ATG16L2: variants seen among roughly 807,000 people sequenced by gnomAD.
The protein encoded by ATG16L2 is protein Atg16l2.
A neutral mutation model predicts 84.7 loss-of-function variants in ATG16L2; 77 were observed. The observed-to-expected ratio is 0.91, with a 90% CI of 0.76 to 1.10. ATG16L2 has a LOEUF of 1.10. ATG16L2 is among the 50% of genes least tolerant of loss of function. ATG16L2 has a pLI of 0.00. For missense variants in ATG16L2, 782 were observed against 817.6 expected, an observed-to-expected ratio of 0.96 and a Z score of 0.53; for synonymous variants, 361 against 342.8, an observed-to-expected ratio of 1.05 and a Z score of -0.59.
intron 1 of ATG16L2, chr11:72,815,972 GATTA>G (rs769363155): frequency 3.2e-4 from 49 of 152,106 alleles, no homozygotes; most frequent in Admixed American, 5.9e-4. Flanking sequence ...GGGAAGTTGG[GATTA>G]TTTATTTATT....
intron 5 of ATG16L2, chr11:72,841,528 T>C (rs1270390793): frequency 6.2e-7 from 1 of 1,611,426 alleles, no homozygotes; most frequent in East Asian, 2.2e-5. Flanking sequence ...GCTGGGAGGC[T>C]GGTCGTACAA....
chr11:72,822,281 C>A lies in ATG16L2; in HGVS notation c.630C>A (p.Asn210Lys), dbSNP rs752980963. 82 of 1,508,958 alleles carry A rather than the reference C, an allele frequency of 5.4e-5. No homozygotes were observed. The highest frequency in any genetic ancestry group is 7.1e-5 in the Non-Finnish European group (81 of 1,138,038). 93.5% of individuals were successfully genotyped at this position (1,508,958 alleles called of 1,614,324 possible). A position where few individuals can be genotyped will look rare whatever the true frequency, so the allele number is the denominator to read the frequency against. The change falls in exon 5 of 18, where the codon AAC becomes AAA. Residue 210 changes from asparagine to lysine, a missense_variant. Physicochemically the swap from Asn to Lys is moderately conservative, Grantham distance 94 (BLOSUM62 0). Coordinates refer to ENST00000321297, the MANE Select transcript of ATG16L2 (RefSeq NM_033388.2). The surrounding 1 kb of genome is among the most constrained non-coding windows in gnomAD (Gnocchi z 4.2). ...CCGCGGCCGAGCGCAACCTGCGCAA[C>A]GAGCGCCGGGAGCGGTGAGGGAGCA... The part of the protein sequence containing the change: ...ARAAAERNLR[N>K]ERRERAKQAR...
Position 72,822,143 on chromosome 11 carries a change from G to C in ATG16L2, c.492G>C (p.Arg164=), listed in dbSNP as rs771444204. The C allele has an allele frequency of 6.7e-7, 1 of 1,501,032 alleles. No homozygotes were observed. Among genetic ancestry groups the C allele is most frequent in the Non-Finnish European group, 8.8e-7 (1 of 1,134,624 alleles). 93.0% of individuals were successfully genotyped at this position (1,501,032 alleles called of 1,614,324 possible). The change falls in exon 5 of 18, where the codon CGG becomes CGC. Residue 164 remains arginine (R), a synonymous_variant. Transcript: ENST00000321297. The surrounding 1 kb of genome is among the most constrained non-coding windows in gnomAD (Gnocchi z 4.2). ...EEWRAQNAVQ[R]AAYEALRAHV... ...GGCGGGCGCAGAATGCGGTGCAGCG[G>C]GCAGCCTACGAGGCGCTGCGCGCGC...
At chr11:72,821,637 A>C in intron 3 of ATG16L2, 31 bp from the exon 4 acceptor site, 1 of 1,522,542 alleles carries the variant, frequency 6.6e-7, no homozygotes. Context: ...GAGGGGCCTC[A>C]GCGCCGCCGT....
In ATG16L2 at chr11:72,829,300, C is replaced by T. The variant is rs760710191; in HGVS notation, c.1773-3C>T. 1 of 1,612,950 alleles carries T rather than the reference C, an allele frequency of 6.2e-7. No homozygotes were observed. Among genetic ancestry groups the T allele is most frequent in the Non-Finnish European group, 8.5e-7 (1 of 1,179,490 alleles). ...CCTGAAGCCTGCCCCTCCCTTTCCCCAGCGCTGCCGTCAACGCCGTGGCCT... is the reference window on the plus strand; with the variant it reads ...CCTGAAGCCTGCCCCTCCCTTTCCCTAGCGCTGCCGTCAACGCCGTGGCCT... On this transcript the variant is annotated splice_polypyrimidine_tract_variant and splice_region_variant and intron_variant, in intron 17 of 17. Coordinates refer to ENST00000321297, the MANE Select transcript of ATG16L2 (RefSeq NM_033388.2).
At chr11:72,825,980 G>A (rs1321653927) in intron 10 of ATG16L2, among the ~76,000 whole-genome samples, 193 bp from the exon 11 acceptor site, 1 of 152,244 alleles carries the variant, frequency 6.6e-6, no homozygotes, top group East Asian at 1.9e-4. Context: ...CTGTCCCTGG[G>A]ACCCAGTGCC....
intron 3 of ATG16L2, chr11:72,819,072 A>G (rs1258361540): frequency 6.6e-6 from 1 of 152,142 alleles, no homozygotes; most frequent in South Asian, 2.1e-4. Flanking sequence ...AGGCAAACCT[A>G]TATCCTTAGG....
At chr11:72,824,987 C>T in intron 9 of ATG16L2, 145 bp downstream of exon 9, 1 of 668,456 alleles carries the variant, frequency 1.5e-6, no homozygotes, top group Non-Finnish European at 2.5e-6. Flanking sequence ...CTCCCACAGC[C>T]TGTGGTGGGA....
At chr11:72,814,842 T>TTTG in intron 1 of ATG16L2, among the ~76,000 whole-genome samples, 1 of 152,150 alleles carries the variant, frequency 6.6e-6, no homozygotes, top group African/African-American at 2.4e-5. Context: ...AAGTGCGTCC[T>TTTG]CGGGTGTTGG....
In ATG16L2 at chr11:72,826,096, TC is replaced by T. The variant is rs1032568860; in HGVS notation, c.1103-75del. ...CGGGGGGTGGGGCGGGAACTGATCTTCCGCTCTCAATCCCAATTCCTCCATT... is the reference window on the plus strand; with the variant it reads ...CGGGGGGTGGGGCGGGAACTGATCTTCGCTCTCAATCCCAATTCCTCCATT... On this transcript the variant is annotated intron_variant, in intron 10 of 17. Coordinates refer to ENST00000321297, the MANE Select transcript of ATG16L2 (RefSeq NM_033388.2). The T allele has an allele frequency of 2.7e-5, 34 of 1,249,062 alleles. No individual in the cohort carries two copies. The African/African-American group carries it at 4.7e-4, about 17-fold the overall frequency. 77.4% of individuals were successfully genotyped at this position (1,249,062 alleles called of 1,614,324 possible).
At chr11:72,843,342 A>ATGTG (rs1861023547) in exon 6 of ATG16L2, 1 of 1,607,208 alleles carries the variant, frequency 6.2e-7, no homozygotes, top group Non-Finnish European at 8.5e-7. Context: ...GGTAAAAGAC[A>ATGTG]TGTGACAAAA....
downstream of ATG16L2, among the ~76,000 whole-genome samples, chr11:72,833,971 T>C (rs867622518): frequency 6.7e-6 from 1 of 150,230 alleles, no homozygotes; most frequent in Non-Finnish European, 1.5e-5. Flanking sequence ...AGACCAGAGC[T>C]CTCAGAAACA....
chr11:72,843,209 C>A (rs770593555), exon 6 of ATG16L2: 1 of 1,613,956 alleles, frequency 6.2e-7, no homozygotes, highest in Non-Finnish European at 8.5e-7. Flanking sequence ...AATTGCTGGA[C>A]GTGTGTGACC....
chr11:72,836,028 A>C (rs1474133803), intron 5 of ATG16L2, among the ~76,000 whole-genome samples: 1 of 152,258 alleles, frequency 6.6e-6, no homozygotes, highest in Non-Finnish European at 1.5e-5. Flanking sequence ...GATTACAGGC[A>C]TGAGCCACTG....
At chr11:72,824,507 C>A (rs1860214649) in intron 8 of ATG16L2, 1 of 578,042 alleles carries the variant, frequency 1.7e-6, no homozygotes, top group Non-Finnish European at 3.1e-6. Flanking sequence ...TTTGCACCCA[C>A]CAACCCTACC....
chr11:72,841,492 C>T (rs780485692), intron 5 of ATG16L2: 3 of 1,611,242 alleles, frequency 1.9e-6, no homozygotes, highest in Non-Finnish European at 2.5e-6. Flanking sequence ...CAGGGAGCTC[C>T]TCTTATCTGG....
intron 5 of ATG16L2, chr11:72,841,387 C>A: frequency 2.1e-6 from 3 of 1,401,636 alleles, no homozygotes; most frequent in Admixed American, 2.5e-5. Flanking sequence ...TTTTTTTGCC[C>A]TTCAGGCGAA....
At chr11:72,826,152 C>T (rs371578822) in intron 10 of ATG16L2, 21 bp from the exon 11 acceptor site, 4 of 1,606,242 alleles carry the variant, frequency 2.5e-6, no homozygotes, top group East Asian at 2.2e-5. Context: ...TTTCAACTGT[C>T]CCTTCCCCTG....
chr11:72,834,026 A>AC (rs1860663604), downstream of ATG16L2, among the ~76,000 whole-genome samples: 1 of 151,988 alleles, frequency 6.6e-6, no homozygotes, highest in South Asian at 2.1e-4. Context: ...CCGAGGGAAA[A>AC]TAGTCTAGGA....
Sources: gnomAD v4.1 joint callset for allele counts (sites outside exome capture counted in the v4.1 genomes callset) on GRCh38, gnomAD v4.1.1 for gene constraint, Gnocchi (gnomAD v3.1) non-coding constraint, MANE v1.5 for transcripts, NCBI Gene and HGNC (gene_info 2026-07-23, HGNC 2026-07-21) for gene names.